CLSTN2: variants seen among roughly 807,000 people sequenced by gnomAD.
CLSTN2 encodes calsyntenin 2, also known as calsyntenin-2.
In CLSTN2, 48 loss-of-function variants were observed where a neutral mutation model predicts 101.2. That is an observed-to-expected ratio of 0.47 (90% CI 0.38 to 0.60). The LOEUF (loss-of-function observed/expected upper bound fraction) is 0.60. CLSTN2 is among the 20% of genes least tolerant of loss of function. The pLI is 0.00. For synonymous variants in CLSTN2, 481 were observed against 463.6 expected (o/e 1.04, Z -0.48); for missense variants, 1,160 against 1,238.2 (o/e 0.94, Z 0.95).
intron 2 of CLSTN2, among the ~76,000 whole-genome samples, chr3:140,291,384 G>A (rs1259258557): frequency 1.3e-5 from 2 of 151,816 alleles, no homozygotes; most frequent in South Asian, 2.1e-4. Flanking sequence ...AATCAGATAA[G>A]TGCTTCCCCT....
At chr3:140,255,285 C>A (rs1357123784) in intron 2 of CLSTN2, among the ~76,000 whole-genome samples, 1 of 152,160 alleles carries the variant, frequency 6.6e-6, no homozygotes, top group Non-Finnish European at 1.5e-5. Flanking sequence ...TTTGACCCAG[C>A]AATCTCACAT....
chr3:140,515,214 T>C (rs1934894382), intron 8 of CLSTN2, among the ~76,000 whole-genome samples: 2 of 136,800 alleles, frequency 1.5e-5, no homozygotes, highest in South Asian at 4.1e-4. Flanking sequence ...GCATTGGTTG[T>C]AATACCTTCT....
chr3:140,549,369 A>G (rs1475609500), intron 10 of CLSTN2, among the ~76,000 whole-genome samples: 1 of 151,782 alleles, frequency 6.6e-6, no homozygotes. Flanking sequence ...GTGGGGACTG[A>G]GGAGGCTAAT....
intron 8 of CLSTN2, among the ~76,000 whole-genome samples, chr3:140,491,594 G>A (rs1446200841): frequency 1.3e-5 from 2 of 152,202 alleles, no homozygotes; most frequent in South Asian, 2.1e-4. Context: ...GGCCAAGGCG[G>A]GCAGATTGCT....
intron 1 of CLSTN2, among the ~76,000 whole-genome samples, chr3:140,081,155 G>C (rs990819485): frequency 6.6e-6 from 1 of 152,194 alleles, no homozygotes; most frequent in African/African-American, 2.4e-5. Context: ...TTCTCTGCAA[G>C]AAAACAGATA....
intron 2 of CLSTN2, among the ~76,000 whole-genome samples, chr3:140,240,819 A>G (rs913278814): frequency 2.0e-5 from 3 of 152,158 alleles, no homozygotes; most frequent in African/African-American, 7.2e-5. Context: ...AGCTGGGGTA[A>G]AAGAAGCAGC....
intron 4 of CLSTN2, among the ~76,000 whole-genome samples, chr3:140,420,255 A>C (rs1465692998): frequency 6.6e-6 from 1 of 151,900 alleles, no homozygotes; most frequent in Non-Finnish European, 1.5e-5. Context: ...AAACGATGAT[A>C]ACATTTGAGT....
chr3:140,193,258 A>G (rs201816412), intron 2 of CLSTN2, among the ~76,000 whole-genome samples: 113 of 96,052 alleles, frequency 1.2e-3, no homozygotes, highest in African/African-American at 4.6e-3. Context: ...TTCCTTTTTT[A>G]TAGTTTTTTT....
intron 1 of CLSTN2, among the ~76,000 whole-genome samples, chr3:139,957,326 A>G (rs1443584805): frequency 2.0e-5 from 3 of 151,982 alleles, no homozygotes; most frequent in African/African-American, 7.3e-5. Context: ...TCTTCTCCCT[A>G]CCCACAGCCT....
chr3:140,022,667 G>A (rs776079390), intron 1 of CLSTN2, among the ~76,000 whole-genome samples: 10 of 152,220 alleles, frequency 6.6e-5, no homozygotes, highest in Non-Finnish European at 1.0e-4. Flanking sequence ...CACCCATGGT[G>A]CTGCTGTGTG....
rs1011424899 is a variant in CLSTN2, at chr3:140,421,165, A to C, written c.678A>C (p.Gln226His). The change falls in exon 5 of 17, where the codon CAA becomes CAC. Residue 226 changes from glutamine to histidine, a missense_variant. Physicochemically the swap from Gln to His is conservative, Grantham distance 24. Transcript: ENST00000458420. Reference sequence around the variant, plus strand: ...CTGAGAAGCTGAGCTATGACAAACAACACCAGTATGAGATCCTGGTGACCG... The same window carrying C: ...CTGAGAAGCTGAGCTATGACAAACACCACCAGTATGAGATCCTGGTGACCG... ...RNTEKLSYDK[Q>H]HQYEILVTAY... 1.2e-6 allele frequency: 2 copies of C among 1,614,030 alleles called. No individual in the cohort carries two copies. Among genetic ancestry groups the C allele is most frequent in the Non-Finnish European group, 1.7e-6 (2 of 1,180,010 alleles).
rs1185842919 is a variant in CLSTN2, at chr3:140,576,813, A to G, written c.*10560A>G. ...ACTTCTGAGCTCTTCAAGCTGCCTCAAAGAATGAATCTTTTTAGTCTAGAA... is the reference window on the plus strand; with the variant it reads ...ACTTCTGAGCTCTTCAAGCTGCCTCGAAGAATGAATCTTTTTAGTCTAGAA... On this transcript the variant is annotated 3_prime_UTR_variant, in exon 17 of 17. Transcript: ENST00000458420. 3 of 152,264 alleles carry G rather than the reference A, an allele frequency of 2.0e-5. No individual in the cohort carries two copies. The highest frequency in any genetic ancestry group is 6.5e-5 in the Admixed American group (1 of 15,288). The allele number at this position is 152,264 out of a possible 1,614,324, so 9.4% of individuals were successfully genotyped here. A position where few individuals can be genotyped will look rare whatever the true frequency, so the allele number is the denominator to read the frequency against.
intron 5 of CLSTN2, among the ~76,000 whole-genome samples, chr3:140,421,873 C>T (rs1299615914): frequency 6.6e-6 from 1 of 152,160 alleles, no homozygotes; most frequent in African/African-American, 2.4e-5. Flanking sequence ...CAGTTTATCA[C>T]TGAACTGAGG....
At chr3:140,219,656 C>T (rs746204489) in intron 2 of CLSTN2, among the ~76,000 whole-genome samples, 1 of 152,200 alleles carries the variant, frequency 6.6e-6, no homozygotes, top group African/African-American at 2.4e-5. Flanking sequence ...TTGCGCCCAG[C>T]CCTTCCAGGC....
chr3:140,083,898 T>TA (rs1172735316), intron 1 of CLSTN2, among the ~76,000 whole-genome samples: 4 of 152,120 alleles, frequency 2.6e-5, no homozygotes, highest in East Asian at 3.8e-4. Context: ...TCATTTCTTT[T>TA]AAAAAACAGT....
At chr3:140,371,480 G>A (rs1276950755) in intron 2 of CLSTN2, among the ~76,000 whole-genome samples, 2 of 152,136 alleles carry the variant, frequency 1.3e-5, no homozygotes, top group Non-Finnish European at 2.9e-5. Flanking sequence ...CTTCCTCAGG[G>A]CTGGCTGGTG....
intron 2 of CLSTN2, among the ~76,000 whole-genome samples, chr3:140,240,604 A>C (rs1421264743): frequency 6.6e-6 from 1 of 152,070 alleles, no homozygotes; most frequent in Admixed American, 6.6e-5. Flanking sequence ...AAAGTGATAC[A>C]CAGATGGATA....
intron 1 of CLSTN2, among the ~76,000 whole-genome samples, chr3:140,108,687 A>G (rs2009102858): frequency 6.6e-6 from 1 of 152,194 alleles, no homozygotes; most frequent in Non-Finnish European, 1.5e-5. Context: ...GCTGAGATGC[A>G]GCTTGTTTCA....
Position 140,577,061 on chromosome 3 carries a change from T to A in CLSTN2, c.*10808T>A, listed in dbSNP as rs1431629701. The A allele has an allele frequency of 6.6e-6, 1 of 152,158 alleles. No individual in the cohort carries two copies. The highest frequency in any genetic ancestry group is 1.5e-5 in the Non-Finnish European group (1 of 68,042). 9.4% of individuals were successfully genotyped at this position (152,158 alleles called of 1,614,324 possible). On this transcript the variant is annotated 3_prime_UTR_variant, in exon 17 of 17. Coordinates refer to ENST00000458420, the MANE Select transcript of CLSTN2 (RefSeq NM_022131.3). ...CATAGAATCCTCTCTCAGGCCTAAC[T>A]GAGCTGTCATATCCAATTCAGACTG...
Sources: allele counts gnomAD v4.1 joint callset (sites outside exome capture counted in the v4.1 genomes callset), GRCh38; gene constraint gnomAD v4.1.1; transcripts MANE v1.5; gene names NCBI Gene and HGNC (gene_info 2026-07-23, HGNC 2026-07-21).